The following CAMK2B variants were observed in gnomAD, a reference collection of about 807,000 sequenced individuals.
The protein encoded by CAMK2B is calcium/calmodulin-dependent protein kinase type II subunit beta.
Under a neutral mutation model 93.7 loss-of-function variants are expected in CAMK2B, and 27 were observed. The observed-to-expected ratio is 0.29, with a 90% CI of 0.21 to 0.40. The LOEUF (loss-of-function observed/expected upper bound fraction) is 0.40. CAMK2B is among the 10% of genes least tolerant of loss of function. The pLI is 1.00. For missense variants in CAMK2B, 568 were observed against 895.8 expected, an observed-to-expected ratio of 0.63 and a Z score of 4.67; for synonymous variants, 374 against 358.8, an observed-to-expected ratio of 1.04 and a Z score of -0.48.
intron 22 of CAMK2B, 135 bp downstream of exon 22, chr7:44,220,481 G>GA (rs1240546740): frequency 6.8e-6 from 6 of 876,218 alleles, no homozygotes; most frequent in Non-Finnish European, 8.8e-6. Context: ...TCTGGCGGGG[G>GA]AGAGGTGGCT....
chr7:44,229,709 C>T (rs979889928), intron 17 of CAMK2B: 10 of 457,158 alleles, frequency 2.2e-5, no homozygotes, highest in South Asian at 1.9e-4. Context: ...GGAGCCAACA[C>T]GGGACCGGTG....
At chr7:44,258,846 C>T (rs775514684) in intron 4 of CAMK2B, 26 bp downstream of exon 4, 76 of 1,609,914 alleles carry the variant, frequency 4.7e-5, no homozygotes, top group Non-Finnish European at 6.2e-5. Flanking sequence ...GTGAGTGCAG[C>T]GAGAGTCCCC....
At chr7:44,273,875 G>A (rs937879770) in intron 2 of CAMK2B, among the ~76,000 whole-genome samples, 1 of 152,142 alleles carries the variant, frequency 6.6e-6, no homozygotes, top group African/African-American at 2.4e-5. Flanking sequence ...AACCCAGCCC[G>A]AGGCCCAAGG....
intron 2 of CAMK2B, among the ~76,000 whole-genome samples, chr7:44,283,412 C>G (rs1302070592): frequency 1.3e-5 from 2 of 152,260 alleles, no homozygotes; most frequent in South Asian, 4.1e-4. Flanking sequence ...CAGAGCTGAT[C>G]ATTGCCAGCA....
chr7:44,234,743 C>T (rs964965477), intron 13 of CAMK2B, 67 bp from the exon 14 acceptor site: 3 of 1,522,106 alleles, frequency 2.0e-6, no homozygotes, highest in Non-Finnish European at 2.7e-6. Flanking sequence ...CGCAACCCCA[C>T]CCCTTTGCCT....
chr7:44,231,581 A>G (rs1170105524), intron 16 of CAMK2B, among the ~76,000 whole-genome samples: 1 of 152,234 alleles, frequency 6.6e-6, no homozygotes, highest in Admixed American at 6.5e-5. Flanking sequence ...GTCATCCAAA[A>G]TACAGGGTGA....
At chr7:44,321,243 C>T (rs1795990115) in intron 1 of CAMK2B, among the ~76,000 whole-genome samples, 1 of 152,234 alleles carries the variant, frequency 6.6e-6, no homozygotes, top group Non-Finnish European at 1.5e-5. Context: ...ACAGGCCATT[C>T]GCTTGTTCAC....
intron 20 of CAMK2B, among the ~76,000 whole-genome samples, chr7:44,222,470 C>G (rs994112405): frequency 6.6e-6 from 1 of 151,938 alleles, no homozygotes; most frequent in East Asian, 1.9e-4. Context: ...GAGTCTCACT[C>G]TGTCACCCGG....
chr7:44,247,231 G>T (rs776766021), intron 5 of CAMK2B, 39 bp from the exon 6 acceptor site: 5 of 1,577,734 alleles, frequency 3.2e-6, no homozygotes, highest in Non-Finnish European at 4.4e-6. Context: ...GAGTGGCCCT[G>T]GGGAGCAGCA....
chr7:44,269,522 C>G (rs1470189389), intron 2 of CAMK2B, among the ~76,000 whole-genome samples: 1 of 152,218 alleles, frequency 6.6e-6, no homozygotes, highest in African/African-American at 2.4e-5. Flanking sequence ...AGCCCCTCCT[C>G]CTCCCTGGCA....
At chr7:44,301,965 GTTCT>G (rs1378499014) in intron 1 of CAMK2B, among the ~76,000 whole-genome samples, 1 of 152,116 alleles carries the variant, frequency 6.6e-6, no homozygotes, top group East Asian at 1.9e-4. Flanking sequence ...CCAACAGCTA[GTTCT>G]TTGAGAAGAT....
At chr7:44,275,487 T>C (rs986266141) in intron 2 of CAMK2B, among the ~76,000 whole-genome samples, 8 of 152,326 alleles carry the variant, frequency 5.3e-5, no homozygotes, top group African/African-American at 1.4e-4. Flanking sequence ...TCCAAAGTAA[T>C]GACAAAGTCC....
At chr7:44,275,645 G>C (rs1470915820) in intron 2 of CAMK2B, among the ~76,000 whole-genome samples, 1 of 152,172 alleles carries the variant, frequency 6.6e-6, no homozygotes, top group Non-Finnish European at 1.5e-5. Context: ...TGTGTCCCAC[G>C]CAATTTGGGA....
At chr7:44,252,126 T>C (rs1393036420) in intron 5 of CAMK2B, among the ~76,000 whole-genome samples, 1 of 152,052 alleles carries the variant, frequency 6.6e-6, no homozygotes, top group East Asian at 1.9e-4. Context: ...AGGCCGCGCC[T>C]GTGGATTGGG....
intron 2 of CAMK2B, among the ~76,000 whole-genome samples, chr7:44,270,448 T>C (rs1488228129): frequency 1.3e-5 from 2 of 152,204 alleles, no homozygotes; most frequent in Non-Finnish European, 2.9e-5. Flanking sequence ...ACCTGTGCGC[T>C]GGACTAGGGT....
intron 3 of CAMK2B, among the ~76,000 whole-genome samples, chr7:44,259,923 A>G (rs1056561549): frequency 6.6e-6 from 1 of 152,184 alleles, no homozygotes; most frequent in Non-Finnish European, 1.5e-5. Context: ...GAGAAGTTAC[A>G]GATGAGGAAG....
intron 16 of CAMK2B, among the ~76,000 whole-genome samples, chr7:44,232,106 A>G (rs745761053): frequency 1.4e-5 from 2 of 147,578 alleles, no homozygotes; most frequent in African/African-American, 5.0e-5. Context: ...TGCCCCTTGG[A>G]CCCCCTGGTC....
In CAMK2B at chr7:44,228,876, G is replaced by T. The variant is rs757288207; in HGVS notation, c.1388C>A (p.Thr463Asn). Residue 463 changes from threonine to asparagine, a missense_variant, in exon 19 of 24, where the codon ACC (threonine) becomes AAC (asparagine). This residue lies in a region of CAMK2B where 308 missense variants were observed against 292.1 expected (regional missense o/e 1.05). Coordinates refer to ENST00000395749, the MANE Select transcript of CAMK2B (RefSeq NM_001220.5). Reference sequence around the variant, plus strand: ...TGAGAGGGGGCCCTCGGCTTCTGGGGTTCCTGAACCCCTTCTCACAGAGTT... The same window carrying T: ...TGAGAGGGGGCCCTCGGCTTCTGGGTTTCCTGAACCCCTTCTCACAGAGTT... ...ILNSVRRGSG[T>N]PEAEGPLSAG... The T allele has an allele frequency of 6.3e-7, 1 of 1,585,318 alleles. No individual in the cohort carries two copies. Among genetic ancestry groups the T allele is most frequent in the Non-Finnish European group, 8.6e-7 (1 of 1,162,382 alleles).
chr7:44,307,366 A>G (rs1584847520), intron 1 of CAMK2B, among the ~76,000 whole-genome samples: 1 of 101,542 alleles, frequency 9.8e-6, no homozygotes, highest in African/African-American at 3.9e-5. Context: ...AGTTGTCAGC[A>G]GGGGGAGGAG....
Sources: allele counts gnomAD v4.1 joint callset (sites outside exome capture counted in the v4.1 genomes callset), GRCh38; gene constraint gnomAD v4.1.1; regional missense constraint gnomAD v4.1.1; transcripts MANE v1.5; gene names NCBI Gene and HGNC (gene_info 2026-07-23, HGNC 2026-07-21).